The following MED27 variants were observed in gnomAD, a reference collection of about 807,000 sequenced individuals.
MED27 encodes the protein mediator complex subunit 27, also known as mediator of RNA polymerase II transcription subunit 27.
Under a neutral mutation model 38.2 loss-of-function variants are expected in MED27, and 30 were observed. The observed-to-expected ratio is 0.79, with a 90% confidence interval of 0.59 to 1.07. The LOEUF (loss-of-function observed/expected upper bound fraction) is 1.07, where lower values mean the gene tolerates loss of function less well. Ranked by LOEUF, MED27 falls within the 50% of genes least tolerant of loss-of-function variation. The pLI, the probability that MED27 is intolerant of heterozygous loss-of-function variation, is 0.00. For missense variants in MED27, 289 were observed against 397.5 expected, an observed-to-expected ratio of 0.73 and a Z score of 2.32; for synonymous variants, 122 against 153.5, an observed-to-expected ratio of 0.79 and a Z score of 1.52.
intron 3 of MED27, among the ~76,000 whole-genome samples, chr9:131,976,732 T>C (rs957335977): frequency 6.6e-6 from 1 of 152,204 alleles, no homozygotes; most frequent in African/African-American, 2.4e-5. Context: ...TCTGTAAATA[T>C]AAACTGTTTA....
intron 4 of MED27, among the ~76,000 whole-genome samples, chr9:131,907,182 A>G (rs981474261): frequency 6.6e-6 from 1 of 152,020 alleles, no homozygotes; most frequent in African/African-American, 2.4e-5. Context: ...CCTGTGACTA[A>G]GAATGCCTAA....
intron 6 of MED27, among the ~76,000 whole-genome samples, chr9:131,863,785 C>A (rs1838691580): frequency 1.3e-5 from 2 of 152,290 alleles, no homozygotes; most frequent in South Asian, 2.1e-4. Flanking sequence ...CTCACCAGCT[C>A]TCTGAAGGCT....
chr9:131,907,447 T>C (rs1359193366), intron 4 of MED27, among the ~76,000 whole-genome samples: 2 of 152,202 alleles, frequency 1.3e-5, no homozygotes, highest in African/African-American at 4.8e-5. Flanking sequence ...CTCCATCTCC[T>C]AACCGTGAGT....
intron 6 of MED27, among the ~76,000 whole-genome samples, chr9:131,870,386 G>A (rs1050036266): frequency 4.6e-5 from 7 of 152,188 alleles, no homozygotes; most frequent in Admixed American, 3.3e-4. Flanking sequence ...AGTGTACGAC[G>A]CATGGCAAGC....
At position 131,945,831 on chromosome 9, in the gene MED27, G is replaced by A. The variant is rs201813193; in HGVS notation, c.480-6357C>T. On this transcript the variant is annotated intron_variant, in intron 3 of 7. Coordinates refer to ENST00000292035, the MANE Select transcript of MED27 (RefSeq NM_004269.4). ...AAAAAAAAAAAAGTTAGCCGGGTGTGGTGGTATGTACCTATAGTCCCAGCT... is the reference window on the plus strand; with the variant it reads ...AAAAAAAAAAAAGTTAGCCGGGTGTAGTGGTATGTACCTATAGTCCCAGCT... Among the ~76,000 whole-genome samples, 8 of 151,234 alleles carry A rather than the reference G, an allele frequency of 5.3e-5. No individual in the cohort carries two copies. The East Asian group carries it at 1.5e-3, about 29-fold the overall frequency.
intron 3 of MED27, among the ~76,000 whole-genome samples, chr9:131,995,621 T>C (rs1163767301): frequency 6.6e-6 from 1 of 152,126 alleles, no homozygotes; most frequent in Non-Finnish European, 1.5e-5. Flanking sequence ...AAGGGCTTAG[T>C]GACAATCTTT....
chr9:131,866,780 C>T (rs191284125), intron 6 of MED27, among the ~76,000 whole-genome samples: 3 of 152,292 alleles, frequency 2.0e-5, no homozygotes, highest in Admixed American at 2.0e-4. Flanking sequence ...AACTAGAAAC[C>T]CAAGTATGTC....
chr9:131,976,306 TCCAGG>T (rs1831607587), intron 3 of MED27, among the ~76,000 whole-genome samples: 1 of 152,140 alleles, frequency 6.6e-6, no homozygotes, highest in Non-Finnish European at 1.5e-5. Flanking sequence ...TCTTACTCAA[TCCAGG>T]CATCAAAGCA....
At chr9:132,078,633 T>G (rs911487908) in intron 1 of MED27, among the ~76,000 whole-genome samples, 1 of 152,020 alleles carries the variant, frequency 6.6e-6, no homozygotes, top group Non-Finnish European at 1.5e-5. Flanking sequence ...TCCTCCTCCA[T>G]CCTACCTCCT....
chr9:132,072,917 T>C (rs965136855), intron 2 of MED27, among the ~76,000 whole-genome samples: 6 of 151,974 alleles, frequency 3.9e-5, no homozygotes, highest in Admixed American at 2.0e-4. Context: ...ACTCACAAAG[T>C]AGGATAACCC....
At chr9:132,019,551 G>C (rs980120380) in intron 2 of MED27, among the ~76,000 whole-genome samples, 2 of 152,172 alleles carry the variant, frequency 1.3e-5, no homozygotes, top group African/African-American at 4.8e-5. Context: ...ACTGCCCCTA[G>C]ATGACTTCAA....
Position 131,939,430 on chromosome 9 carries a change from T to G in MED27, c.524A>C (p.Glu175Ala), listed in dbSNP as rs1158393139. 1.9e-6 allele frequency: 3 copies of G among 1,612,494 alleles called. No homozygotes were observed. The highest frequency in any genetic ancestry group is 2.5e-6 in the Non-Finnish European group (3 of 1,179,408). The change falls in exon 4 of 8, where the codon GAA becomes GCA. Residue 175 changes from glutamate (E) to alanine (A), a missense_variant. Transcript: ENST00000292035. ...VISRIDRMFP[E>A]MSIHLSRPNG... is the part of the protein sequence containing the mutation. ...GGGTCTGGATAAGTGGATGGACATTTCAGGAAACATCCTGTCAATGCGGCT... is the reference window on the plus strand; with the variant it reads ...GGGTCTGGATAAGTGGATGGACATTGCAGGAAACATCCTGTCAATGCGGCT...
chr9:131,925,052 G>T (rs1830457372), intron 4 of MED27, among the ~76,000 whole-genome samples: 1 of 152,142 alleles, frequency 6.6e-6, no homozygotes, highest in Admixed American at 6.5e-5. Flanking sequence ...TCCCCAGGTT[G>T]TGGCAATTAA....
chr9:132,077,167 G>T (rs1263556009), intron 2 of MED27, among the ~76,000 whole-genome samples: 1 of 152,074 alleles, frequency 6.6e-6, no homozygotes, highest in African/African-American at 2.4e-5. Context: ...AATTTTAAGG[G>T]GTTCATAAGA....
At chr9:131,998,659 GC>G (rs1184538905) in intron 3 of MED27, among the ~76,000 whole-genome samples, 1 of 152,110 alleles carries the variant, frequency 6.6e-6, no homozygotes, top group Non-Finnish European at 1.5e-5. Flanking sequence ...AATTCTAAGT[GC>G]TCCTTTGTTT....
intron 2 of MED27, among the ~76,000 whole-genome samples, chr9:132,041,518 G>A (rs1200144283): frequency 2.0e-5 from 3 of 152,228 alleles, no homozygotes; most frequent in Non-Finnish European, 4.4e-5. Context: ...ACCGACTGCA[G>A]CGTCCACAGA....
intron 2 of MED27, among the ~76,000 whole-genome samples, chr9:132,056,809 G>A (rs1373162751): frequency 6.6e-6 from 1 of 152,190 alleles, no homozygotes; most frequent in Non-Finnish European, 1.5e-5. Context: ...GACACATTCA[G>A]TGGACCAGAA....
chr9:132,075,555 G>A (rs1339825351), intron 2 of MED27, among the ~76,000 whole-genome samples: 1 of 152,080 alleles, frequency 6.6e-6, no homozygotes, highest in East Asian at 1.9e-4. Flanking sequence ...TCCACTGTGG[G>A]GCAAGGGTGG....
At position 131,860,675 on chromosome 9, in the gene MED27, A is replaced by G; in HGVS notation, c.802-3T>C. 1 of 1,612,766 alleles carries G rather than the reference A, an allele frequency of 6.2e-7. No homozygotes were observed. Among genetic ancestry groups the G allele is most frequent in the South Asian group, 1.1e-5 (1 of 90,696 alleles). ...TTTATGTAACTTCTTAACCAGGTCT[A>G]AAAAGAGAAACGAGGAGAGAAGTGA... is the stretch of plus-strand genomic sequence containing the variant. On this transcript the variant is annotated splice_region_variant and splice_polypyrimidine_tract_variant and intron_variant, in intron 7 of 7. Coordinates refer to ENST00000292035, the MANE Select transcript of MED27 (RefSeq NM_004269.4). This position sits in a 1 kb window ranked among gnomAD's most constrained non-coding sequence, Gnocchi z 5.8.
Sources: allele counts gnomAD v4.1 joint callset (sites outside exome capture counted in the v4.1 genomes callset), GRCh38; gene constraint gnomAD v4.1.1; non-coding constraint Gnocchi (gnomAD v3.1); transcripts MANE v1.5; gene names NCBI Gene and HGNC (gene_info 2026-07-23, HGNC 2026-07-21).